SUGCT: variants seen among roughly 807,000 people sequenced by gnomAD.
The protein encoded by SUGCT is succinyl-CoA:glutarate CoA-transferase.
In SUGCT, 41 loss-of-function variants were observed where a neutral mutation model predicts 55.0. That is an observed-to-expected ratio of 0.74 (90% CI 0.58 to 0.97). The LOEUF (loss-of-function observed/expected upper bound fraction) is 0.97. SUGCT is among the 50% of genes least tolerant of loss of function. The pLI, the probability that SUGCT is intolerant of heterozygous loss-of-function variation, is 0.00. For synonymous variants in SUGCT, 187 were observed against 200.4 expected, an observed-to-expected ratio of 0.93 and a Z score of 0.56; for missense variants, 568 against 547.8, an observed-to-expected ratio of 1.04 and a Z score of -0.37.
intron 12 of SUGCT, among the ~76,000 whole-genome samples, chr7:40,698,729 G>A (rs1053459806): frequency 1.3e-5 from 2 of 152,236 alleles, no homozygotes; most frequent in African/African-American, 2.4e-5. Context: ...CACATAATTC[G>A]TGAGTTAAAA....
intron 12 of SUGCT, among the ~76,000 whole-genome samples, chr7:40,702,102 A>G (rs766374543): frequency 3.4e-4 from 52 of 152,198 alleles, no homozygotes; most frequent in Non-Finnish European, 1.2e-4. Flanking sequence ...CCTTCCTAAA[A>G]TAACCCTCAA....
chr7:40,395,522 A>T (rs1023303447), intron 9 of SUGCT, among the ~76,000 whole-genome samples: 4 of 151,690 alleles, frequency 2.6e-5, no homozygotes, highest in African/African-American at 9.7e-5. Context: ...AAAGAAAAAA[A>T]AATTCAATTT....
chr7:40,217,219 C>CT (rs950210254), intron 6 of SUGCT, among the ~76,000 whole-genome samples: 7 of 151,842 alleles, frequency 4.6e-5, no homozygotes, highest in Admixed American at 3.3e-4. Context: ...TCTTCTTCTT[C>CT]TTTTTTTTAA....
chr7:40,406,948 A>G (rs1786403157), intron 9 of SUGCT, among the ~76,000 whole-genome samples: 1 of 152,170 alleles, frequency 6.6e-6, no homozygotes, highest in South Asian at 2.1e-4. Flanking sequence ...ATACATATGG[A>G]CAGAAAACTG....
Position 40,182,166 on chromosome 7 carries a change from C to T in SUGCT, c.226+138C>T, listed in dbSNP as rs1274949040. On this transcript the variant is annotated intron_variant, in intron 3 of 13. Transcript: ENST00000335693. ...ATGAAATGATTGTCTTTTTCTTCTC[C>T]ATTTCTTGTTTTCCTGTGAACTAAC... The T allele has an allele frequency of 1.2e-5, 7 of 607,004 alleles. No individual in the cohort carries two copies. In the Admixed American group the frequency reaches 2.1e-4, roughly 18 times the overall value. 37.6% of individuals were successfully genotyped at this position (607,004 alleles called of 1,614,324 possible).
intron 9 of SUGCT, among the ~76,000 whole-genome samples, chr7:40,395,489 C>CAAAA (rs36068766): frequency 6.5e-5 from 3 of 46,116 alleles, no homozygotes; most frequent in African/African-American, 2.2e-4. Context: ...AACTCTGTCT[C>CAAAA]AAAAAAAAAA....
At position 40,488,423 on chromosome 7, in the gene SUGCT, C is replaced by A. The variant is rs145121974; in HGVS notation, c.987-7861C>A. ...GTCACAACATTCATCACATTACATTCCATATTCTTTAACGAATTATCATAG... is the reference window on the plus strand; with the variant it reads ...GTCACAACATTCATCACATTACATTACATATTCTTTAACGAATTATCATAG... On this transcript the variant is annotated intron_variant, in intron 11 of 13. Transcript: ENST00000335693. Among the ~76,000 whole-genome samples the A allele has an allele frequency of 1.6e-3, 237 of 152,202 alleles. 1 individual carries two copies. The highest frequency in any genetic ancestry group is 5.1e-3 in the African/African-American group (210 of 41,540).
chr7:40,296,602 G>A (rs1044061853), intron 8 of SUGCT, among the ~76,000 whole-genome samples: 3 of 149,782 alleles, frequency 2.0e-5, no homozygotes, highest in African/African-American at 7.5e-5. Context: ...GAGAGACAGA[G>A]TGAGTGACTC....
chr7:40,533,673 A>G (rs1369369658), intron 12 of SUGCT, among the ~76,000 whole-genome samples: 1 of 152,158 alleles, frequency 6.6e-6, no homozygotes, highest in African/African-American at 2.4e-5. Flanking sequence ...ATAAATTCTG[A>G]TCTGAAAAAT....
chr7:40,549,603 G>A (rs957737333), intron 12 of SUGCT, among the ~76,000 whole-genome samples: 1 of 152,090 alleles, frequency 6.6e-6, no homozygotes, highest in Admixed American at 6.6e-5. Flanking sequence ...GAACATAAGG[G>A]CAAGAACAGT....
chr7:40,725,257 A>G (rs1396226570), intron 12 of SUGCT, among the ~76,000 whole-genome samples: 1 of 152,214 alleles, frequency 6.6e-6, no homozygotes, highest in African/African-American at 2.4e-5. Flanking sequence ...GAGGATTTTT[A>G]TACATTGCTA....
chr7:40,775,362 C>A (rs567510197), intron 13 of SUGCT, among the ~76,000 whole-genome samples: 1 of 152,282 alleles, frequency 6.6e-6, no homozygotes, highest in Admixed American at 6.5e-5. Flanking sequence ...AGGTCTTTGG[C>A]AGGACATAGA....
chr7:40,847,141 G>A (rs1192689121), intron 13 of SUGCT, among the ~76,000 whole-genome samples: 4 of 152,176 alleles, frequency 2.6e-5, no homozygotes, highest in Non-Finnish European at 5.9e-5. Flanking sequence ...GTCCAGGCAA[G>A]TGGGTCTCTA....
At chr7:40,147,025 T>A (rs1041820724) in intron 1 of SUGCT, among the ~76,000 whole-genome samples, 2 of 150,510 alleles carry the variant, frequency 1.3e-5, no homozygotes. Flanking sequence ...TCTCTTCCTC[T>A]TTCTCTCTGC....
intron 7 of SUGCT, among the ~76,000 whole-genome samples, chr7:40,268,433 C>CT (rs1403099933): frequency 6.6e-6 from 1 of 152,106 alleles, no homozygotes; most frequent in Non-Finnish European, 1.5e-5. Flanking sequence ...TAGTTTGTTT[C>CT]TTTTTTGTTG....
intron 13 of SUGCT, among the ~76,000 whole-genome samples, chr7:40,776,526 A>G (rs1171211780): frequency 1.3e-5 from 2 of 152,152 alleles, no homozygotes; most frequent in Non-Finnish European, 2.9e-5. Flanking sequence ...ATTCTTCTGG[A>G]AGTTCCATAG....
At chr7:40,827,039 A>G (rs1792349083) in intron 13 of SUGCT, among the ~76,000 whole-genome samples, 3 of 152,084 alleles carry the variant, frequency 2.0e-5, no homozygotes, top group Admixed American at 6.6e-5. Flanking sequence ...TTGTGCTTCA[A>G]TTTTTTTGTG....
chr7:40,682,474 T>G (rs1001765830), intron 12 of SUGCT, among the ~76,000 whole-genome samples: 1 of 152,132 alleles, frequency 6.6e-6, no homozygotes, highest in Non-Finnish European at 1.5e-5. Context: ...GAAGCAGTAT[T>G]GTGGGACTGA....
chr7:40,738,765 A>G (rs965763315), intron 12 of SUGCT, among the ~76,000 whole-genome samples: 8 of 152,356 alleles, frequency 5.3e-5, no homozygotes, highest in African/African-American at 1.7e-4. Flanking sequence ...TAGATGGATT[A>G]AAAGCCATTT....
Sources: gnomAD v4.1 joint callset for allele counts (sites outside exome capture counted in the v4.1 genomes callset) on GRCh38, gnomAD v4.1.1 for gene constraint, MANE v1.5 for transcripts, NCBI Gene and HGNC (gene_info 2026-07-23, HGNC 2026-07-21) for gene names.